PHACTR2: variants seen among roughly 807,000 people sequenced by gnomAD.
The protein encoded by PHACTR2 is chromosome 6 open reading frame 56.
In PHACTR2, 30 loss-of-function variants were observed where a neutral mutation model predicts 76.0. The ratio of observed to expected loss-of-function variants is 0.39; its 90% CI spans 0.30 to 0.54. PHACTR2 has a LOEUF of 0.54. Among genes scored for constraint, PHACTR2 ranks in the 20% least tolerant of loss-of-function variants. The pLI is 0.61. For synonymous variants in PHACTR2, 292 were observed against 292.5 expected (o/e 1.00, Z 0.02); for missense variants, 696 against 781.1 (o/e 0.89, Z 1.30).
rs1313197348 is a variant in PHACTR2, at chr6:143,775,170, T to G, written c.1589+955T>G. Among the ~76,000 whole-genome samples the G allele has an allele frequency of 6.6e-6, 1 of 152,082 alleles. No homozygotes were observed. The highest frequency in any genetic ancestry group is 2.4e-5 in the African/African-American group (1 of 41,414). On this transcript the variant is annotated intron_variant, in intron 8 of 12. Coordinates refer to ENST00000440869, the MANE Select transcript of PHACTR2 (RefSeq NM_001100164.2). The surrounding 1 kb of genome is among the most constrained non-coding windows in gnomAD (Gnocchi z 4.4). ...GAAGAGTAACCCCTAAGGCACCTCC[T>G]TACAGCTGAGTTGTGCAGAAAGGTG...
chr6:143,545,816 T>C (rs1774986950), intron 1 of PHACTR2, among the ~76,000 whole-genome samples: 2 of 152,346 alleles, frequency 1.3e-5, no homozygotes, highest in South Asian at 4.1e-4. Flanking sequence ...AGAATAAATA[T>C]CACTTTCTAT....
chr6:143,749,120 T>C, intron 3 of PHACTR2, 55 bp downstream of exon 3: 2 of 856,996 alleles, frequency 2.3e-6, no homozygotes, highest in South Asian at 1.5e-5. Flanking sequence ...CTTTGGTTTT[T>C]CTTTTGTTTT....
At position 143,698,376 on chromosome 6, in the gene PHACTR2, A is replaced by G. The variant is rs1455016287; in HGVS notation, c.47-13640A>G. Reference sequence around the variant, plus strand: ...TCATTATTATAAAATTATTTTTTTAAAAAGCAACTAGTGGAATTGTTTCTC... The same window carrying G: ...TCATTATTATAAAATTATTTTTTTAGAAAGCAACTAGTGGAATTGTTTCTC... On this transcript the variant is annotated intron_variant, in intron 1 of 12. Transcript: ENST00000440869. This position sits in a 1 kb window ranked among gnomAD's most constrained non-coding sequence, Gnocchi z 4.3. 2.0e-5 allele frequency among the ~76,000 whole-genome samples: 3 copies of G among 152,254 alleles called. No individual in the cohort carries two copies. The East Asian group carries it at 5.8e-4, about 29-fold the overall frequency.
At chr6:143,717,318 C>G (rs1248519090) in intron 2 of PHACTR2, among the ~76,000 whole-genome samples, 1 of 152,192 alleles carries the variant, frequency 6.6e-6, no homozygotes. Flanking sequence ...ACCAGCTGAT[C>G]CTCCTTTGCC....
intron 1 of PHACTR2, among the ~76,000 whole-genome samples, chr6:143,588,734 C>G (rs1447627382): frequency 2.6e-5 from 4 of 151,560 alleles, no homozygotes; most frequent in African/African-American, 4.9e-5. Context: ...GAAGAAAGCA[C>G]AAAAAACAGT....
chr6:143,652,157 C>T lies in PHACTR2; in HGVS notation c.13+43835C>T, dbSNP rs1776774101. On this transcript the variant is annotated intron_variant, in intron 1 of 11. Transcript: ENST00000305766. The surrounding 1 kb of genome is among the most constrained non-coding windows in gnomAD (Gnocchi z 4.5). ...TGGGGGAACCGTTTACTAGGTACAA[C>T]CACAAGATATTTGGTCAAAAAGGAT... is the stretch of plus-strand genomic sequence containing the variant. Among the ~76,000 whole-genome samples the T allele has an allele frequency of 6.6e-6, 1 of 151,390 alleles. No homozygotes were observed. The highest frequency in any genetic ancestry group is 2.4e-5 in the African/African-American group (1 of 41,248).
At chr6:143,746,744 A>G (rs552903728) in intron 2 of PHACTR2, among the ~76,000 whole-genome samples, 3 of 152,212 alleles carry the variant, frequency 2.0e-5, no homozygotes, top group Non-Finnish European at 2.9e-5. Flanking sequence ...CCTGCCGTTG[A>G]TAAGAGTTCT....
At position 143,816,698 on chromosome 6, in the gene PHACTR2, AT is replaced by A. The variant is rs907844769; in HGVS notation, c.1923-6975del. On this transcript the variant is annotated intron_variant, in intron 12 of 12. Transcript: ENST00000440869. This position sits in a 1 kb window ranked among gnomAD's most constrained non-coding sequence, Gnocchi z 4.5. ...TGGTGTGTGCAGGAAAAAAAAAAAA[AT>A]CTTACACTGTCCTCAGTTATTTTTG... 2.0e-5 allele frequency among the ~76,000 whole-genome samples: 3 copies of A among 152,124 alleles called. No homozygotes were observed. Among genetic ancestry groups the A allele is most frequent in the Non-Finnish European group, 4.4e-5 (3 of 68,024 alleles).
rs993013108 is a variant in PHACTR2, at chr6:143,570,002, A to G, written c.217+32795A>G. Reference sequence around the variant, plus strand: ...AATTCGATTCAGTAGATGTTTTTGAATGAGTAAACATTACTATAAAAAATG... The same window carrying G: ...AATTCGATTCAGTAGATGTTTTTGAGTGAGTAAACATTACTATAAAAAATG... On this transcript the variant is annotated intron_variant, in intron 1 of 11. Transcript: ENST00000367584. This position sits in a 1 kb window ranked among gnomAD's most constrained non-coding sequence, Gnocchi z 4.6. 2.0e-5 allele frequency among the ~76,000 whole-genome samples: 3 copies of G among 152,228 alleles called. No individual in the cohort carries two copies. Among genetic ancestry groups the G allele is most frequent in the African/African-American group, 7.2e-5 (3 of 41,460 alleles).
chr6:143,745,416 C>T (rs551612306), intron 2 of PHACTR2, among the ~76,000 whole-genome samples: 6 of 152,138 alleles, frequency 3.9e-5, no homozygotes, highest in Non-Finnish European at 8.8e-5. Context: ...GTGGGTTGCG[C>T]CTTAAAGTGA....
chr6:143,731,222 A>C lies in PHACTR2; in HGVS notation c.215-17763A>C, dbSNP rs941539300. The stretch of plus-strand genomic sequence containing the variant: ...TTAGACCACTATTATGGTTGATTAC[A>C]TTGGCAGATTTTTGAATTTTGAACC... On this transcript the variant is annotated intron_variant, in intron 2 of 12. Transcript: ENST00000440869. This position sits in a 1 kb window ranked among gnomAD's most constrained non-coding sequence, Gnocchi z 4.9. Among the ~76,000 whole-genome samples the C allele has an allele frequency of 6.6e-6, 1 of 152,170 alleles. No homozygotes were observed. The highest frequency in any genetic ancestry group is 2.4e-5 in the African/African-American group (1 of 41,438).
chr6:143,660,789 C>T (rs7741628), intron 1 of PHACTR2, among the ~76,000 whole-genome samples: 57,620 of 151,864 alleles, frequency 0.38, 11,549 homozygotes, highest in South Asian at 0.52. Flanking sequence ...CCAAGTGGCA[C>T]GCTCCTTAGA....
At position 143,821,992 on chromosome 6, in the gene PHACTR2, CT is replaced by C. The variant is rs138600264; in HGVS notation, c.1923-1681del. Among the ~76,000 whole-genome samples the C allele has an allele frequency of 3.8e-4, 58 of 152,118 alleles. 1 individual carries two copies. In the East Asian group the frequency reaches 9.3e-3, roughly 24 times the overall value. ...GCAATAGGAGTGAAACCCTGTCCCC[CT>C]CTGGAGCTCCCCCCAACCCACCCTG... On this transcript the variant is annotated intron_variant, in intron 12 of 12. Transcript: ENST00000440869. This position sits in a 1 kb window ranked among gnomAD's most constrained non-coding sequence, Gnocchi z 5.2.
chr6:143,668,607 G>A (rs1372710034), intron 1 of PHACTR2, among the ~76,000 whole-genome samples: 1 of 152,114 alleles, frequency 6.6e-6, no homozygotes, highest in Non-Finnish European at 1.5e-5. Flanking sequence ...GTCTTGGGAG[G>A]ATGTATGTGT....
At position 143,663,317 on chromosome 6, in the gene PHACTR2, A is replaced by G. The variant is rs1776974926; in HGVS notation, c.14-48699A>G. Reference sequence around the variant, plus strand: ...CAAAGTTGCAGAGCACTCTCTCAACATGCTGAGTGAAGGCTTGCCCTCCCC... The same window carrying G: ...CAAAGTTGCAGAGCACTCTCTCAACGTGCTGAGTGAAGGCTTGCCCTCCCC... On this transcript the variant is annotated intron_variant, in intron 1 of 11. Transcript: ENST00000305766. The surrounding 1 kb of genome is among the most constrained non-coding windows in gnomAD (Gnocchi z 4.1). Among the ~76,000 whole-genome samples, 1 of 152,258 alleles carries G rather than the reference A, an allele frequency of 6.6e-6. No individual in the cohort carries two copies. Among genetic ancestry groups the G allele is most frequent in the South Asian group, 2.1e-4 (1 of 4,834 alleles).
intron 1 of PHACTR2, among the ~76,000 whole-genome samples, chr6:143,702,348 C>A (rs529534616): frequency 1.3e-5 from 2 of 152,224 alleles, no homozygotes; most frequent in African/African-American, 4.8e-5. Flanking sequence ...ACCTTGTGAT[C>A]TGCCCGCCTC....
upstream of PHACTR2, among the ~76,000 whole-genome samples, chr6:143,604,828 GTTGCAGTGAACCAAGA>G (rs1462254873): frequency 1.3e-5 from 2 of 150,670 alleles, no homozygotes; most frequent in Non-Finnish European, 3.0e-5. Context: ...GGAGGTGGAG[GTTGCAGTGAACCAAGA>G]TTGCGCCATT....
rs969641574 is a variant in PHACTR2 at position 143,609,554 on chromosome 6, G to A, written c.13+1232G>A. Among the ~76,000 whole-genome samples the A allele has an allele frequency of 3.8e-4, 58 of 152,262 alleles. 1 individual carries two copies. The highest frequency in any genetic ancestry group is 3.6e-3 in the Admixed American group (55 of 15,292). ...TTAAAAAAAATGTACTATAGGGCTT[G>A]TCATAAAAGCAGGTAGGTATGGTAT... On this transcript the variant is annotated intron_variant, in intron 1 of 11. Coordinates refer to the PHACTR2 transcript ENST00000305766.
intron 2 of PHACTR2, among the ~76,000 whole-genome samples, chr6:143,744,386 C>T (rs959415987): frequency 6.6e-6 from 1 of 152,162 alleles, no homozygotes; most frequent in Non-Finnish European, 1.5e-5. Context: ...TGCAAGTCAA[C>T]GTTGGGGACA....
Sources: gnomAD v4.1 joint callset for allele counts (sites outside exome capture counted in the v4.1 genomes callset) on GRCh38, gnomAD v4.1.1 for gene constraint, Gnocchi (gnomAD v3.1) non-coding constraint, MANE v1.5 for transcripts, NCBI Gene and HGNC (gene_info 2026-07-23, HGNC 2026-07-21) for gene names.